Variants in HECTD4 observed in about 807,000 individuals in gnomAD.
The protein encoded by HECTD4 is HECT domain E3 ubiquitin protein ligase 4.
A neutral mutation model predicts 471.5 loss-of-function variants in HECTD4; 114 were observed. The observed-to-expected ratio is 0.24, with a 90% CI of 0.21 to 0.28. HECTD4 has a LOEUF of 0.28. Among genes scored for constraint, HECTD4 ranks in the 10% least tolerant of loss-of-function variants. HECTD4 has a pLI of 1.00. For missense variants in HECTD4, 3,866 were observed against 5,651.5 expected, an observed-to-expected ratio of 0.68 and a Z score of 10.13; for synonymous variants, 2,012 against 2,256.0, an observed-to-expected ratio of 0.89 and a Z score of 3.07.
Position 112,167,294 on chromosome 12 carries a change from C to T in HECTD4, c.12534+23G>A, listed in dbSNP as rs986069419. 4 of 1,586,462 alleles carry T rather than the reference C, an allele frequency of 2.5e-6. No individual in the cohort carries two copies. The African/African-American group carries it at 4.0e-5, about 16-fold the overall frequency. The stretch of plus-strand genomic sequence containing the variant: ...GGGAGGCCCCGGGTTCTGCAGCCCC[C>T]CAGAACTGTGCCTTGCACTCACGCT... On this transcript the variant is annotated intron_variant, in intron 72 of 75. Coordinates refer to ENST00000682272, the MANE Select transcript of HECTD4 (RefSeq NM_001388303.1).
intron 28 of HECTD4, 87 bp from the exon 29 acceptor site, chr12:112,247,163 A>G (rs1476355354): frequency 8.9e-7 from 1 of 1,117,992 alleles, no homozygotes; most frequent in East Asian, 2.6e-5. Context: ...AGAATAAGAG[A>G]AGACACAGGG....
rs10699631 is a variant in HECTD4 at position 112,299,623 on chromosome 12, A to AAAACAAAC, written c.1335+6433_1335+6440dup. ...GGGTGACAGACAGACTCTGTCTCAAAAAACAAACAAACAAACAAACAAACA... is the reference window on the plus strand; with the variant it reads ...GGGTGACAGACAGACTCTGTCTCAAAAAACAAACAAACAAACAAACAAACAAACAAACA... On this transcript the variant is annotated intron_variant, in intron 7 of 75. Coordinates refer to ENST00000682272, the MANE Select transcript of HECTD4 (RefSeq NM_001388303.1). Among the ~76,000 whole-genome samples, 1,512 of 151,514 alleles carry AAAACAAAC rather than the reference A, an allele frequency of 1.0e-2. 13 individuals carry two copies. Among genetic ancestry groups the AAAACAAAC allele is most frequent in the African/African-American group, 0.016 (672 of 41,164 alleles).
chr12:112,267,832 T>C (rs953111882), intron 13 of HECTD4, among the ~76,000 whole-genome samples: 1 of 152,178 alleles, frequency 6.6e-6, no homozygotes, highest in Non-Finnish European at 1.5e-5. Context: ...GTGTGTGTTT[T>C]AGACAGGATC....
At chr12:112,165,404 T>C (rs113816641) in intron 72 of HECTD4, among the ~76,000 whole-genome samples, 262 of 147,644 alleles carry the variant, frequency 1.8e-3, no homozygotes, top group African/African-American at 6.2e-3. Flanking sequence ...CAGGCTGGAG[T>C]GCAGTGGCGC....
At position 112,248,184 on chromosome 12, in the gene HECTD4, T is replaced by G; in HGVS notation, c.4144-13A>C. 6.3e-7 allele frequency: 1 copy of G among 1,597,622 alleles called. No individual in the cohort carries two copies. Among genetic ancestry groups the G allele is most frequent in the Non-Finnish European group, 8.5e-7 (1 of 1,169,956 alleles). ...GTTCTGCAACACTCTAATAAATACA[T>G]TAAAATAGATGCAAAATAAAAACAA... On this transcript the variant is annotated splice_polypyrimidine_tract_variant and intron_variant, in intron 26 of 75. Transcript: ENST00000682272.
chr12:112,266,862 G>A (rs1452046230), intron 14 of HECTD4, 50 bp downstream of exon 14: 5 of 902,312 alleles, frequency 5.5e-6, no homozygotes, highest in African/African-American at 1.7e-5. Flanking sequence ...TGTTTCCTTG[G>A]GGACAAAAAA....
chr12:112,216,250 C>A, intron 48 of HECTD4, 42 bp downstream of exon 48: 3 of 1,339,332 alleles, frequency 2.2e-6, no homozygotes, highest in Non-Finnish European at 3.1e-6. Flanking sequence ...AACCTGAGAC[C>A]AACAGAATCA....
chr12:112,229,764 C>A lies in HECTD4; in HGVS notation c.6453G>T (p.Gln2151His), dbSNP rs1338496432. Residue 2151 changes from glutamine (Q) to histidine (H), a missense_variant, in exon 41 of 76, where the codon CAG (glutamine) becomes CAT (histidine). Physicochemically the swap from Gln to His is conservative, Grantham distance 24. Transcript: ENST00000682272. ...CAAGTGCACACAGTGCGGCAACGGC[C>A]TGGCGTGCAATTCTCTGAAGTTTGG... ...KLAKLQRIAR[Q>H]AVAALCALGG... 6.2e-7 allele frequency: 1 copy of A among 1,614,050 alleles called. No individual in the cohort carries two copies. The highest frequency in any genetic ancestry group is 8.5e-7 in the Non-Finnish European group (1 of 1,179,900).
At chr12:112,289,867 G>C (rs1035783710) in intron 7 of HECTD4, among the ~76,000 whole-genome samples, 4 of 152,054 alleles carry the variant, frequency 2.6e-5, no homozygotes, top group African/African-American at 9.7e-5. Context: ...AGTAGAGACA[G>C]GGTTTCACCA....
At chr12:112,357,810 G>A (rs190579720) in intron 1 of HECTD4, among the ~76,000 whole-genome samples, 8 of 152,258 alleles carry the variant, frequency 5.3e-5, no homozygotes, top group Non-Finnish European at 1.2e-4. Context: ...GGTATGAATG[G>A]CATTAATCCA....
chr12:112,283,210 C>A lies in HECTD4; in HGVS notation c.1428G>T (p.Met476Ile). The stretch of plus-strand genomic sequence containing the variant: ...TATACCGAGAAAGTCTACTTAGAAG[C>A]ATCTCATTAATGCTTTTGGCAGATT... ...EGESAKSINE[M>I]LLSRLSRYRA... The change falls in exon 8 of 76, where the codon ATG becomes ATT. Residue 476 changes from methionine (M) to isoleucine (I), a missense_variant. Coordinates refer to ENST00000682272, the MANE Select transcript of HECTD4 (RefSeq NM_001388303.1). The A allele has an allele frequency of 6.2e-7, 1 of 1,613,768 alleles. No homozygotes were observed. Among genetic ancestry groups the A allele is most frequent in the Non-Finnish European group, 8.5e-7 (1 of 1,179,782 alleles).
intron 1 of HECTD4, among the ~76,000 whole-genome samples, chr12:112,346,291 T>C (rs1452127952): frequency 6.6e-6 from 1 of 152,226 alleles, no homozygotes; most frequent in East Asian, 1.9e-4. Context: ...GAAAAAATCA[T>C]ATTCCCCCTA....
In HECTD4 at chr12:112,161,376, A is replaced by C. The variant is rs2030682787; in HGVS notation, c.*1011T>G. 6.6e-6 allele frequency: 1 copy of C among 152,218 alleles called. No homozygotes were observed. The highest frequency in any genetic ancestry group is 1.5e-5 in the Non-Finnish European group (1 of 68,082). The allele number at this position is 152,218 out of a possible 1,614,324, so 9.4% of individuals were successfully genotyped here. On this transcript the variant is annotated 3_prime_UTR_variant, in exon 76 of 76. Transcript: ENST00000682272. ...GGACCCCCCTGGAGTCTCCATCTGG[A>C]CTTGAGTGTCTGGGTCACTAAAGCA...
intron 1 of HECTD4, among the ~76,000 whole-genome samples, chr12:112,359,120 G>A (rs1247773310): frequency 1.3e-5 from 2 of 151,720 alleles, no homozygotes; most frequent in African/African-American, 4.8e-5. Context: ...AGGCTGCAAT[G>A]AGTCGAGATG....
Position 112,190,904 on chromosome 12 carries a change from C to T in HECTD4, c.9354G>A (p.Leu3118=), listed in dbSNP as rs1476061070. 6.4e-7 allele frequency: 1 copy of T among 1,572,680 alleles called. No individual in the cohort carries two copies. The highest frequency in any genetic ancestry group is 1.9e-5 in the Admixed American group (1 of 53,730). Residue 3118 remains leucine (L), a synonymous_variant, in exon 60 of 76, where the codon CTG becomes CTA. Coordinates refer to ENST00000682272, the MANE Select transcript of HECTD4 (RefSeq NM_001388303.1). ...VLHSLPLEFP[L]AMAFAEQLLS... ...GCAGCTGCTCTGCGAAGGCCATAGC[C>T]AGTGGGAACTCCAGGGGCAGGGAAT...
At chr12:112,186,977 A>G (rs1156234896) in intron 60 of HECTD4, among the ~76,000 whole-genome samples, 3 of 147,558 alleles carry the variant, frequency 2.0e-5, no homozygotes, top group Non-Finnish European at 4.5e-5. Context: ...CAAGGCTGGC[A>G]TATTCTTTTT....
At position 112,185,085 on chromosome 12, in the gene HECTD4, G is replaced by A; in HGVS notation, c.9881C>T (p.Ser3294Phe). 4 of 1,576,072 alleles carry A rather than the reference G, an allele frequency of 2.5e-6. No homozygotes were observed. Among genetic ancestry groups the A allele is most frequent in the Non-Finnish European group, 3.4e-6 (4 of 1,160,382 alleles). Residue 3294 changes from serine to phenylalanine, a missense_variant, in exon 61 of 76, where the codon TCC becomes TTC. By Grantham distance (155) the Ser-to-Phe change is radical. Transcript: ENST00000682272. Reference protein sequence around the residue: ...TAPNLSDSSSSSSSSPGQTPQ... With the variant: ...TAPNLSDSSSFSSSSPGQTPQ... ...GGTCTGTCCTGGGGAGGACGAGGAG[G>A]AGGAGGACGAGTCACTGAGATTTGG...
At chr12:112,377,989 G>A (rs2036815815) in intron 1 of HECTD4, among the ~76,000 whole-genome samples, 2 of 152,168 alleles carry the variant, frequency 1.3e-5, no homozygotes, top group South Asian at 4.1e-4. Context: ...TCTTAGGAGG[G>A]ATTCTTTCTT....
chr12:112,176,776 A>G, intron 64 of HECTD4, 74 bp from the exon 65 acceptor site: 1 of 1,147,530 alleles, frequency 8.7e-7, no homozygotes, highest in Non-Finnish European at 1.3e-6. Flanking sequence ...ACAGCCTCAT[A>G]GTCATTCATT....
Sources: allele counts gnomAD v4.1 joint callset (sites outside exome capture counted in the v4.1 genomes callset), GRCh38; gene constraint gnomAD v4.1.1; transcripts MANE v1.5; gene names NCBI Gene and HGNC (gene_info 2026-07-23, HGNC 2026-07-21).